The following STARD3NL variants were observed in gnomAD, a reference collection of about 807,000 sequenced individuals.
STARD3NL encodes the protein STARD3 N-terminal like, also known as STARD3 N-terminal-like protein.
In STARD3NL, 17 loss-of-function variants were observed where a neutral mutation model predicts 30.9. The observed-to-expected ratio is 0.55, with a 90% CI of 0.38 to 0.82. STARD3NL has a LOEUF of 0.82. Ranked by LOEUF, STARD3NL falls within the 40% of genes least tolerant of loss-of-function variation. The probability of loss-of-function intolerance (pLI) is 0.00; values close to 1 mark genes in which losing one functional copy is unlikely to be tolerated. For missense variants in STARD3NL, 234 were observed against 277.6 expected (o/e 0.84, Z 1.12); for synonymous variants, 112 against 100.5 (o/e 1.11, Z -0.69).
intron 2 of STARD3NL, among the ~76,000 whole-genome samples, chr7:38,211,554 A>G (rs1785803190): frequency 6.6e-6 from 1 of 152,192 alleles, no homozygotes; most frequent in Admixed American, 6.5e-5. Flanking sequence ...GAAATTGAAT[A>G]GGTAGGCTGG....
At chr7:38,195,922 A>G (rs1483842841) in intron 1 of STARD3NL, among the ~76,000 whole-genome samples, 4 of 152,190 alleles carry the variant, frequency 2.6e-5, no homozygotes, top group African/African-American at 9.6e-5. Context: ...CATTGGTGAC[A>G]TTATTCGTGT....
At chr7:38,201,959 G>C (rs1272229008) in intron 1 of STARD3NL, 1 of 152,370 alleles carries the variant, frequency 6.6e-6, no homozygotes. Flanking sequence ...AAAGTGCTGG[G>C]ATTACAGGTA....
In STARD3NL at chr7:38,197,157, T is replaced by TTTCTTTCC. The variant is rs879757102; in HGVS notation, c.-58-10283_-58-10282insCTTCTTTC. Among the ~76,000 whole-genome samples the TTTCTTTCC allele has an allele frequency of 5.1e-3, 741 of 145,862 alleles. 4 individuals carry two copies. Among genetic ancestry groups the TTTCTTTCC allele is most frequent in the Non-Finnish European group, 8.2e-3 (550 of 66,790 alleles). The stretch of plus-strand genomic sequence containing the variant: ...CCTTTTTTCTTTCTTTCTTTCTTTC[T>TTTCTTTCC]TTCTTTCTTTCTTTCTTTCTTTCTT... On this transcript the variant is annotated intron_variant, in intron 1 of 8. Coordinates refer to ENST00000009041, the MANE Select transcript of STARD3NL (RefSeq NM_032016.4).
chr7:38,223,445 CT>C (rs1236148545), intron 7 of STARD3NL, among the ~76,000 whole-genome samples: 5 of 152,242 alleles, frequency 3.3e-5, no homozygotes, highest in Admixed American at 6.5e-5. Context: ...TAATTTTTCA[CT>C]TCCTAAACCA....
intron 1 of STARD3NL, among the ~76,000 whole-genome samples, chr7:38,184,420 C>T (rs930499374): frequency 1.3e-5 from 2 of 151,544 alleles, no homozygotes; most frequent in African/African-American, 2.4e-5. Flanking sequence ...AAGCATGGCT[C>T]GGCTTTTGGT....
chr7:38,205,862 A>G (rs1042841810), intron 1 of STARD3NL, among the ~76,000 whole-genome samples: 8 of 152,190 alleles, frequency 5.3e-5, no homozygotes, highest in Admixed American at 4.6e-4. Flanking sequence ...TCTTGAAGAT[A>G]ATCACTAACC....
chr7:38,216,734 G>A, intron 4 of STARD3NL: 1 of 438,018 alleles, frequency 2.3e-6, no homozygotes. Flanking sequence ...AGAGGCTTTG[G>A]AATTGTACCT....
intron 7 of STARD3NL, among the ~76,000 whole-genome samples, chr7:38,228,023 T>C (rs1786880624): frequency 6.6e-6 from 1 of 152,244 alleles, no homozygotes; most frequent in Admixed American, 6.5e-5. Context: ...ATTTGGTTTT[T>C]AATTTTATCA....
intron 1 of STARD3NL, among the ~76,000 whole-genome samples, chr7:38,197,136 T>TTTCTTTCTTTCTTTCTTTCTTTCTTTC (rs1784937316): frequency 1.8e-5 from 2 of 112,380 alleles, no homozygotes; most frequent in East Asian, 2.5e-4. Context: ...GCATTACCTT[T>TTTCTTTCTTTCTTTCTTTCTTTCTTTC]TTTCTTTCTT....
intron 2 of STARD3NL, among the ~76,000 whole-genome samples, chr7:38,213,739 G>A (rs1048727730): frequency 7.9e-5 from 12 of 152,206 alleles, no homozygotes; most frequent in African/African-American, 2.9e-4. Flanking sequence ...TTTGACAGTA[G>A]CATTGGGAGA....
chr7:38,190,533 AC>A (rs1784643455), intron 1 of STARD3NL, among the ~76,000 whole-genome samples: 1 of 152,292 alleles, frequency 6.6e-6, no homozygotes, highest in East Asian at 1.9e-4. Flanking sequence ...TTATGCCCTT[AC>A]GTTTTTCCGA....
intron 3 of STARD3NL, 49 bp from the exon 4 acceptor site, chr7:38,214,979 C>A: frequency 6.5e-7 from 1 of 1,533,802 alleles, no homozygotes; most frequent in South Asian, 1.1e-5. Context: ...AAAGCTGTGT[C>A]ATTTTTGTAT....
chr7:38,219,696 T>C (rs188025878), intron 7 of STARD3NL, 36 bp downstream of exon 7: 5 of 1,548,674 alleles, frequency 3.2e-6, no homozygotes, highest in Non-Finnish European at 4.5e-6. Flanking sequence ...CTTGTATCTC[T>C]CATTCAAAGG....
At chr7:38,218,020 G>A (rs1786224227) in intron 6 of STARD3NL, among the ~76,000 whole-genome samples, 1 of 152,146 alleles carries the variant, frequency 6.6e-6, no homozygotes, top group Admixed American at 6.6e-5. Flanking sequence ...TCACTAGGAA[G>A]GCCAAATGAT....
chr7:38,190,193 G>T (rs575182793), intron 1 of STARD3NL, among the ~76,000 whole-genome samples: 2 of 152,246 alleles, frequency 1.3e-5, no homozygotes, highest in Non-Finnish European at 2.9e-5. Flanking sequence ...CTGGACAAAG[G>T]GGTGATTCAT....
At chr7:38,223,763 A>G (rs898608957) in intron 7 of STARD3NL, among the ~76,000 whole-genome samples, 5 of 152,156 alleles carry the variant, frequency 3.3e-5, no homozygotes, top group African/African-American at 9.7e-5. Context: ...TTGAAAAGTC[A>G]TTGCCAGGGA....
intron 2 of STARD3NL, among the ~76,000 whole-genome samples, chr7:38,213,968 C>T (rs1785955866): frequency 6.6e-6 from 1 of 152,106 alleles, no homozygotes; most frequent in Admixed American, 6.5e-5. Context: ...CCTTCCAAGA[C>T]CTAAGACAGT....
At chr7:38,189,667 A>G (rs1446306512) in intron 1 of STARD3NL, among the ~76,000 whole-genome samples, 2 of 152,248 alleles carry the variant, frequency 1.3e-5, no homozygotes, top group African/African-American at 2.4e-5. Flanking sequence ...TTTCAGTTAT[A>G]TAAGTGACAT....
chr7:38,198,518 A>G (rs11773477), intron 1 of STARD3NL, among the ~76,000 whole-genome samples: 34,817 of 152,204 alleles, frequency 0.23, 4,024 homozygotes, highest in Middle Eastern at 0.26. Context: ...TCTAAGCCAA[A>G]TCATCTCCAA....
Sources: gnomAD v4.1 joint callset for allele counts (sites outside exome capture counted in the v4.1 genomes callset) on GRCh38, gnomAD v4.1.1 for gene constraint, MANE v1.5 for transcripts, NCBI Gene and HGNC (gene_info 2026-07-23, HGNC 2026-07-21) for gene names.